C18orf63: variants seen among roughly 807,000 people sequenced by gnomAD.
C18orf63 encodes chromosome 18 open reading frame 63.
A neutral mutation model predicts 75.3 loss-of-function variants in C18orf63; 50 were observed. That is an observed-to-expected ratio of 0.66 (90% CI 0.53 to 0.84). C18orf63 has a LOEUF of 0.84. Ranked by LOEUF, C18orf63 falls within the 40% of genes least tolerant of loss-of-function variation. The pLI, the probability that C18orf63 is intolerant of heterozygous loss-of-function variation, is 0.00. For synonymous variants in C18orf63, 232 were observed against 267.6 expected, an observed-to-expected ratio of 0.87 and a Z score of 1.30; for missense variants, 732 against 800.2, an observed-to-expected ratio of 0.91 and a Z score of 1.03.
intron 2 of C18orf63, 96 bp from the exon 3 acceptor site, chr18:74,320,417 T>G (rs1216477333): frequency 2.5e-6 from 2 of 795,094 alleles, no homozygotes; most frequent in Non-Finnish European, 3.9e-6. Context: ...CCAGGTCCCT[T>G]GCCAACACTG....
intron 3 of C18orf63, among the ~76,000 whole-genome samples, chr18:74,321,627 G>GT (rs952719521): frequency 1.2e-4 from 18 of 151,814 alleles, no homozygotes; most frequent in Admixed American, 1.1e-3. Flanking sequence ...TCTTACTATA[G>GT]TTTTTTTAAA....
intron 12 of C18orf63, 44 bp from the exon 13 acceptor site, chr18:74,354,413 A>G: frequency 7.8e-7 from 1 of 1,285,594 alleles, no homozygotes; most frequent in Non-Finnish European, 1.1e-6. Context: ...CTGTAAGTCT[A>G]TGCAGTTAAT....
chr18:74,326,418 G>A (rs1489832215), intron 4 of C18orf63, among the ~76,000 whole-genome samples: 2 of 152,098 alleles, frequency 1.3e-5, no homozygotes, highest in South Asian at 2.1e-4. Flanking sequence ...CTCCAGCCTT[G>A]GGTAGCTTCC....
chr18:74,342,489 C>T (rs947460085), intron 10 of C18orf63, among the ~76,000 whole-genome samples, 163 bp downstream of exon 10: 13 of 152,062 alleles, frequency 8.5e-5, no homozygotes, highest in African/African-American at 3.1e-4. Flanking sequence ...TTCTGGTTTG[C>T]TTAGAATATC....
intron 7 of C18orf63, among the ~76,000 whole-genome samples, chr18:74,334,325 A>G (rs895475736): frequency 6.6e-6 from 1 of 151,740 alleles, no homozygotes; most frequent in Admixed American, 6.6e-5. Context: ...GGAAAGAGGA[A>G]GGGGAGAAAA....
intron 11 of C18orf63, among the ~76,000 whole-genome samples, chr18:74,350,026 A>G (rs1599009532): frequency 6.6e-6 from 1 of 152,156 alleles, no homozygotes; most frequent in South Asian, 2.1e-4. Flanking sequence ...GAGGTTGAAC[A>G]CCAGTCCATC....
At chr18:74,321,082 G>A (rs548621296) in intron 3 of C18orf63, among the ~76,000 whole-genome samples, 13 of 152,140 alleles carry the variant, frequency 8.5e-5, no homozygotes, top group Non-Finnish European at 1.0e-4. Context: ...GAATTATAGC[G>A]AAGTGCCAAA....
chr18:74,331,876 AG>A (rs1413457949), intron 7 of C18orf63, among the ~76,000 whole-genome samples: 2 of 152,194 alleles, frequency 1.3e-5, no homozygotes, highest in African/African-American at 4.8e-5. Flanking sequence ...TATGTGGATA[AG>A]TAACAAAGGA....
chr18:74,330,921 A>C lies in C18orf63; in HGVS notation c.480A>C (p.Thr160=). The change falls in exon 7 of 14, where the codon ACA becomes ACC. Residue 160 remains threonine, a synonymous_variant. Transcript: ENST00000579455. ...TQVCLSIEAC[T]IRLPAPELKE... ...TTTGTCTAAGTATAGAAGCTTGCAC[A>C]ATCAGACTGCCAGCACCTGAGGTAC... The C allele has an allele frequency of 1.1e-5, 16 of 1,469,762 alleles. No homozygotes were observed. The highest frequency in any genetic ancestry group is 1.4e-5 in the Non-Finnish European group (16 of 1,104,008). 91.0% of individuals were successfully genotyped at this position (1,469,762 alleles called of 1,614,324 possible). A position where few individuals can be genotyped will look rare whatever the true frequency, so the allele number is the denominator to read the frequency against.
chr18:74,321,329 G>A (rs115186217), intron 3 of C18orf63, among the ~76,000 whole-genome samples: 1,843 of 142,470 alleles, frequency 0.013, 27 homozygotes, highest in African/African-American at 0.043. Flanking sequence ...TTTTGAGACA[G>A]GATATGGCTC....
At chr18:74,333,583 C>A (rs1327894934) in intron 7 of C18orf63, among the ~76,000 whole-genome samples, 1 of 152,148 alleles carries the variant, frequency 6.6e-6, no homozygotes, top group African/African-American at 2.4e-5. Flanking sequence ...ATAAAACCAT[C>A]AGATCTCGTG....
chr18:74,341,343 T>C (rs1984482406), intron 8 of C18orf63, among the ~76,000 whole-genome samples: 1 of 148,632 alleles, frequency 6.7e-6, no homozygotes, highest in Non-Finnish European at 1.5e-5. Context: ...TTTTTGCTAT[T>C]GAAAGTAATG....
chr18:74,339,791 A>C (rs1355413850), intron 8 of C18orf63, among the ~76,000 whole-genome samples: 1 of 152,224 alleles, frequency 6.6e-6, no homozygotes, highest in Non-Finnish European at 1.5e-5. Flanking sequence ...CAGATTCAGT[A>C]AAGTTGCAGA....
chr18:74,317,789 T>C (rs1984050807), intron 1 of C18orf63, 45 bp from the exon 2 acceptor site: 1 of 1,169,556 alleles, frequency 8.6e-7, no homozygotes, highest in African/African-American at 1.5e-5. Context: ...TGGAACTCTA[T>C]TGGTAAGATA....
At chr18:74,319,605 C>A (rs1355878325) in intron 2 of C18orf63, among the ~76,000 whole-genome samples, 1 of 152,094 alleles carries the variant, frequency 6.6e-6, no homozygotes, top group Non-Finnish European at 1.5e-5. Flanking sequence ...AACCACTACC[C>A]AGTTCTTTCT....
At chr18:74,327,853 G>A (rs1599002229) in intron 4 of C18orf63, 94 bp from the exon 5 acceptor site, 2 of 722,192 alleles carry the variant, frequency 2.8e-6, no homozygotes, top group Admixed American at 4.3e-5. Context: ...AGTTTGTTGG[G>A]TGGTGATCTA....
chr18:74,325,442 G>T (rs1483008694), intron 4 of C18orf63, among the ~76,000 whole-genome samples: 2 of 152,272 alleles, frequency 1.3e-5, no homozygotes, highest in East Asian at 3.9e-4. Context: ...TTATGCTCCA[G>T]AATATAGTCT....
intron 7 of C18orf63, among the ~76,000 whole-genome samples, chr18:74,336,711 C>G (rs113022844): frequency 2.7e-4 from 41 of 152,190 alleles, no homozygotes; most frequent in African/African-American, 9.6e-4. Flanking sequence ...TAATGGCAGT[C>G]AGACCCAATT....
chr18:74,338,348 AC>A (rs1262322377), intron 7 of C18orf63, among the ~76,000 whole-genome samples: 2 of 152,160 alleles, frequency 1.3e-5, no homozygotes, highest in African/African-American at 2.4e-5. Context: ...ATTTAAAAAA[AC>A]AATTGAGGTT....
Sources: allele counts gnomAD v4.1 joint callset (sites outside exome capture counted in the v4.1 genomes callset), GRCh38; gene constraint gnomAD v4.1.1; transcripts MANE v1.5; gene names NCBI Gene and HGNC (gene_info 2026-07-23, HGNC 2026-07-21).